Variants in CIT observed in about 807,000 individuals in gnomAD.
CIT encodes citron Rho-interacting kinase.
In CIT, 79 loss-of-function variants were observed where a neutral mutation model predicts 272.7. The observed-to-expected ratio is 0.29, with a 90% CI of 0.24 to 0.35. CIT has a LOEUF of 0.35. Among genes scored for constraint, CIT ranks in the 10% least tolerant of loss-of-function variants. CIT has a pLI of 1.00. For synonymous variants in CIT, 948 were observed against 995.6 expected (o/e 0.95, Z 0.90); for missense variants, 1,909 against 2,618.3 (o/e 0.73, Z 5.91).
At chr12:119,765,143 G>A (rs192197362) in intron 19 of CIT, among the ~76,000 whole-genome samples, 1 of 151,832 alleles carries the variant, frequency 6.6e-6, no homozygotes, top group Non-Finnish European at 1.5e-5. Flanking sequence ...AGAGAAGGGG[G>A]AAGAGACAAT....
At chr12:119,752,873 G>A (rs1960439114) in intron 22 of CIT, among the ~76,000 whole-genome samples, 1 of 152,168 alleles carries the variant, frequency 6.6e-6, no homozygotes, top group Non-Finnish European at 1.5e-5. Context: ...GCCTTCAAGT[G>A]GGGAGAAAAA....
chr12:119,722,017 G>A, intron 28 of CIT, among the ~76,000 whole-genome samples: 1 of 152,062 alleles, frequency 6.6e-6, no homozygotes, highest in Middle Eastern at 3.2e-3. Context: ...AACGTTGGGG[G>A]AAAAGAAGAA....
intron 2 of CIT, among the ~76,000 whole-genome samples, chr12:119,869,499 A>G (rs867928835): frequency 4.6e-5 from 7 of 152,152 alleles, no homozygotes; most frequent in African/African-American, 1.4e-4. Context: ...TAGTGAGAAT[A>G]TTTCCTCTGG....
chr12:119,843,470 G>A (rs186112553), intron 5 of CIT, among the ~76,000 whole-genome samples: 1 of 152,242 alleles, frequency 6.6e-6, no homozygotes, highest in Admixed American at 6.5e-5. Context: ...AGCCAGGAGG[G>A]ATATACCATA....
At chr12:119,800,373 C>T (rs535232368) in intron 10 of CIT, among the ~76,000 whole-genome samples, 26 of 152,306 alleles carry the variant, frequency 1.7e-4, no homozygotes, top group Admixed American at 6.5e-4. Flanking sequence ...GCCATTGAAA[C>T]GCTGTCATCA....
At position 119,694,205 on chromosome 12, in the gene CIT, C is replaced by T. The variant is rs192045397; in HGVS notation, c.5882+3454G>A. Among the ~76,000 whole-genome samples the T allele has an allele frequency of 1.6e-3, 247 of 152,298 alleles. No individual in the cohort carries two copies. Among genetic ancestry groups the T allele is most frequent in the African/African-American group, 5.6e-3 (232 of 41,562 alleles). On this transcript the variant is annotated intron_variant, in intron 46 of 47. Transcript: ENST00000392521. This position sits in a 1 kb window ranked among gnomAD's most constrained non-coding sequence, Gnocchi z 4.5. ...AACTCCACACTGTCCATCAGATTTA[C>T]AAATCCACATCAGCCATCACCCATT...
chr12:119,803,777 C>T (rs879032292), intron 9 of CIT, among the ~76,000 whole-genome samples: 1 of 152,154 alleles, frequency 6.6e-6, no homozygotes, highest in Non-Finnish European at 1.5e-5. Context: ...AGACCTAAAC[C>T]TATGGATTCC....
chr12:119,814,808 G>A (rs547585152), intron 9 of CIT, among the ~76,000 whole-genome samples: 1 of 152,120 alleles, frequency 6.6e-6, no homozygotes, highest in Admixed American at 6.5e-5. Context: ...AGGCCGAGGC[G>A]GGCGGATTAC....
Position 119,740,363 on chromosome 12 carries a change from G to T in CIT, c.2958+2048C>A, listed in dbSNP as rs137972394. 5.3e-5 allele frequency among the ~76,000 whole-genome samples: 8 copies of T among 152,128 alleles called. No individual in the cohort carries two copies. The East Asian group carries it at 1.5e-3, about 29-fold the overall frequency. Reference sequence around the variant, plus strand: ...AAAGGGGTATAAGGAAACTTTTGAGGGTCATGAATACAATAAATATTTTGT... The same window carrying T: ...AAAGGGGTATAAGGAAACTTTTGAGTGTCATGAATACAATAAATATTTTGT... On this transcript the variant is annotated intron_variant, in intron 24 of 47. Transcript: ENST00000392521.
At chr12:119,750,678 A>T (rs1960100059) in intron 23 of CIT, among the ~76,000 whole-genome samples, 1 of 152,034 alleles carries the variant, frequency 6.6e-6, no homozygotes, top group Admixed American at 6.6e-5. Context: ...TTTGGTTCAG[A>T]TACTGGGATC....
intron 37 of CIT, among the ~76,000 whole-genome samples, chr12:119,711,590 G>A (rs1379040590): frequency 6.6e-6 from 1 of 152,182 alleles, no homozygotes; most frequent in Non-Finnish European, 1.5e-5. Context: ...TACATTTGCT[G>A]CTGCATCACC....
chr12:119,766,713 T>A (rs750158017), intron 19 of CIT, among the ~76,000 whole-genome samples: 12 of 152,146 alleles, frequency 7.9e-5, no homozygotes, highest in Non-Finnish European at 1.8e-4. Context: ...TCATATTGCA[T>A]GTCTGTATCA....
At chr12:119,813,164 T>C (rs983586285) in intron 9 of CIT, among the ~76,000 whole-genome samples, 3 of 152,184 alleles carry the variant, frequency 2.0e-5, no homozygotes, top group Admixed American at 2.0e-4. Flanking sequence ...AAGAATAAAG[T>C]GGGTATTTTG....
At chr12:119,736,142 G>A (rs199860464) in intron 24 of CIT, among the ~76,000 whole-genome samples, 1 of 152,150 alleles carries the variant, frequency 6.6e-6, no homozygotes. Flanking sequence ...ATTATGGCTT[G>A]CAGAGAGCTT....
chr12:119,774,309 A>T (rs1309258154), intron 16 of CIT, among the ~76,000 whole-genome samples: 1 of 152,068 alleles, frequency 6.6e-6, no homozygotes, highest in African/African-American at 2.4e-5. Flanking sequence ...CCACAATTTT[A>T]AAAAAGAAGA....
intron 7 of CIT, among the ~76,000 whole-genome samples, chr12:119,831,801 C>T (rs769192827): frequency 2.6e-5 from 4 of 151,952 alleles, no homozygotes; most frequent in African/African-American, 7.2e-5. Flanking sequence ...CCCAGGGGGG[C>T]GGAGCTTGCA....
chr12:119,731,813 A>AATATATATATATATATATATATAT (rs57327382), intron 26 of CIT, among the ~76,000 whole-genome samples: 17 of 139,140 alleles, frequency 1.2e-4, no homozygotes, highest in African/African-American at 4.7e-4. Flanking sequence ...TTCTCTCCTA[A>AATATATATATATATATATATATAT]ATATATATAT....
intron 24 of CIT, among the ~76,000 whole-genome samples, chr12:119,736,680 C>T (rs908660865): frequency 2.0e-5 from 3 of 152,206 alleles, no homozygotes; most frequent in East Asian, 1.9e-4. Context: ...AAAATCTGTA[C>T]GTTTGCCATT....
rs548638304 is a variant in CIT at position 119,786,358 on chromosome 12, C to T, written c.1296-1293G>A. Among the ~76,000 whole-genome samples the T allele has an allele frequency of 3.9e-5, 6 of 152,334 alleles. No homozygotes were observed. The South Asian group carries it at 1.0e-3, about 26-fold the overall frequency. ...CCCACAGAAAGGGCAAACTTACCCA[C>T]ACTCATCTATGTAACTCATGCACTG... is the stretch of plus-strand genomic sequence containing the variant. On this transcript the variant is annotated intron_variant, in intron 10 of 47. Transcript: ENST00000392521.
Sources: allele counts gnomAD v4.1 joint callset (sites outside exome capture counted in the v4.1 genomes callset), GRCh38; gene constraint gnomAD v4.1.1; non-coding constraint Gnocchi (gnomAD v3.1); transcripts MANE v1.5; gene names NCBI Gene and HGNC (gene_info 2026-07-23, HGNC 2026-07-21).